The following LHFPL1 variants were observed in gnomAD, a reference collection of about 807,000 sequenced individuals.
LHFPL1 encodes the protein LHFPL tetraspan subfamily member 1 protein.
LHFPL1 carries 4 observed loss-of-function variants against 12.1 expected under a neutral mutation model. The observed-to-expected ratio is 0.33, with a 90% confidence interval of 0.16 to 0.76. LHFPL1 has a LOEUF of 0.76. Among genes scored for constraint, LHFPL1 ranks in the 30% least tolerant of loss-of-function variants. The pLI is 0.61. For missense variants in LHFPL1, 141 were observed against 174.1 expected, an observed-to-expected ratio of 0.81 and a Z score of 1.07; for synonymous variants, 52 against 61.9, an observed-to-expected ratio of 0.84 and a Z score of 0.75.
chrX:112,637,508 T>C (rs1930377547), intron 3 of LHFPL1, among the ~76,000 whole-genome samples: 1 of 111,545 alleles, frequency 9.0e-6, no homozygotes, highest in African/African-American at 3.3e-5. Context: ...CAGAATCTGA[T>C]AGAGTGGCTC....
intron 3 of LHFPL1, among the ~76,000 whole-genome samples, chrX:112,641,233 T>C (rs1188473659): frequency 9.0e-6 from 1 of 111,698 alleles, no homozygotes; most frequent in Non-Finnish European, 1.9e-5. Flanking sequence ...CCAATATGAG[T>C]TTAGTACTTT....
At chrX:112,661,188 G>A (rs949263613) in intron 2 of LHFPL1, among the ~76,000 whole-genome samples, 1 of 111,001 alleles carries the variant, frequency 9.0e-6, no homozygotes, top group Non-Finnish European at 1.9e-5. Flanking sequence ...CTGCTGGACC[G>A]ATGAGCAGGG....
intron 2 of LHFPL1, among the ~76,000 whole-genome samples, chrX:112,665,277 G>A (rs964927811): frequency 1.9e-5 from 2 of 106,201 alleles, no homozygotes; most frequent in African/African-American, 3.5e-5. Flanking sequence ...TGCAACCTCC[G>A]CCTCCCAGGT....
At chrX:112,652,485 C>T (rs1343822339) in intron 3 of LHFPL1, among the ~76,000 whole-genome samples, 3 of 111,659 alleles carry the variant, frequency 2.7e-5, no homozygotes, top group Non-Finnish European at 5.6e-5. Flanking sequence ...ATAAGGAACA[C>T]AGGTAATCAA....
Position 112,631,190 on chromosome X carries a change from C to A in LHFPL1, c.*230G>T, listed in dbSNP as rs1031857141. On this transcript the variant is annotated 3_prime_UTR_variant, in exon 4 of 4. Transcript: ENST00000371968. Reference sequence around the variant, plus strand: ...GGTACTTTGGGTCTTCGGGTTAGCACGACTTGCCAGTTGGGTAAATGTCTG... The same window carrying A: ...GGTACTTTGGGTCTTCGGGTTAGCAAGACTTGCCAGTTGGGTAAATGTCTG... 1.2e-5 allele frequency: 4 copies of A among 323,057 alleles called. No individual in the cohort carries two copies. The allele number at this position is 323,057 out of a possible 1,213,427, so 26.6% of individuals were successfully genotyped here.
chrX:112,661,036 C>G (rs1224934571), intron 2 of LHFPL1, among the ~76,000 whole-genome samples: 1 of 112,003 alleles, frequency 8.9e-6, no homozygotes, highest in Non-Finnish European at 1.9e-5. Context: ...GTTGGCTTTT[C>G]CAACCTCTTT....
Position 112,660,654 on chromosome X carries a change from C to A in LHFPL1, c.454G>T (p.Gly152Trp), listed in dbSNP as rs766897688. ...WNSPEIMQTC[G>W]NVSNQFQLGT... ...AACTGAAATTGATTGGAGACATTCC[C>A]ACATGTTTGCATTATCTCCGGGCTA... is the stretch of plus-strand genomic sequence containing the variant. The change falls in exon 3 of 4, where the codon GGG becomes TGG. Residue 152 changes from glycine to tryptophan, a missense_variant. Transcript: ENST00000371968. The A allele has an allele frequency of 8.3e-7, 1 of 1,210,203 alleles. No homozygotes were observed. Among genetic ancestry groups the A allele is most frequent in the Non-Finnish European group, 1.1e-6 (1 of 894,112 alleles).
chrX:112,670,084 A>G (rs1445281201), intron 2 of LHFPL1, among the ~76,000 whole-genome samples: 1 of 111,648 alleles, frequency 9.0e-6, no homozygotes, highest in African/African-American at 3.3e-5. Flanking sequence ...GGCTCTAGTG[A>G]CCCACACTGT....
chrX:112,651,990 A>G (rs1032867052), intron 3 of LHFPL1, among the ~76,000 whole-genome samples: 3 of 112,984 alleles, frequency 2.7e-5, no homozygotes, highest in African/African-American at 9.6e-5. Context: ...AACTGGCCTT[A>G]GAGTAGTACC....
chrX:112,656,922 G>T (rs1602681541), intron 3 of LHFPL1, among the ~76,000 whole-genome samples: 1 of 112,332 alleles, frequency 8.9e-6, no homozygotes, highest in East Asian at 2.8e-4. Flanking sequence ...GTTGGTGCCT[G>T]ACTGAGAGCT....
At chrX:112,675,216 A>G (rs760244005) in intron 1 of LHFPL1, among the ~76,000 whole-genome samples, 4 of 111,478 alleles carry the variant, frequency 3.6e-5, no homozygotes, top group African/African-American at 1.3e-4. Flanking sequence ...TCACCACTAA[A>G]GAACTTACTC....
intron 1 of LHFPL1, among the ~76,000 whole-genome samples, chrX:112,677,993 T>C (rs1475018068): frequency 9.1e-6 from 1 of 110,206 alleles, no homozygotes; most frequent in African/African-American, 3.3e-5. Flanking sequence ...TATTTGCATC[T>C]CTCCATCCAG....
At chrX:112,673,657 T>A (rs756601920) in intron 1 of LHFPL1, among the ~76,000 whole-genome samples, 2 of 111,610 alleles carry the variant, frequency 1.8e-5, no homozygotes, top group African/African-American at 6.5e-5. Flanking sequence ...AAAGATATTA[T>A]CCTAAATTTA....
At chrX:112,631,960 A>G (rs1393928811) in intron 3 of LHFPL1, among the ~76,000 whole-genome samples, 2 of 111,944 alleles carry the variant, frequency 1.8e-5, no homozygotes, top group Non-Finnish European at 3.8e-5. Flanking sequence ...TGATCATTAC[A>G]GTAATTATAT....
intron 3 of LHFPL1, among the ~76,000 whole-genome samples, chrX:112,650,556 C>CT (rs761508363): frequency 1.8e-5 from 2 of 110,896 alleles, no homozygotes; most frequent in African/African-American, 6.6e-5. Context: ...GTTACACCTT[C>CT]TTTTTTGACA....
At position 112,679,727 on chromosome X, in the gene LHFPL1, A is replaced by C. The variant is rs191743760; in HGVS notation, c.-15+102T>G. 2.7e-5 allele frequency: 3 copies of C among 111,757 alleles called. No homozygotes were observed. The East Asian group carries it at 8.5e-4, about 32-fold the overall frequency. 9.2% of individuals were successfully genotyped at this position (111,757 alleles called of 1,213,427 possible). On this transcript the variant is annotated intron_variant, in intron 1 of 3. Coordinates refer to ENST00000371968, the MANE Select transcript of LHFPL1 (RefSeq NM_178175.4). ...GAGCTTTGAGATGAAAGGACAGGAA[A>C]CCTGAGAAAGGAAGGGGAGAAGGGG...
At chrX:112,667,747 G>C (rs1166294934) in intron 2 of LHFPL1, among the ~76,000 whole-genome samples, 1 of 111,874 alleles carries the variant, frequency 8.9e-6, no homozygotes, top group East Asian at 2.8e-4. Context: ...ATTGATTGGA[G>C]CAGGGCATGG....
chrX:112,650,783 T>C (rs1273427336), intron 3 of LHFPL1, among the ~76,000 whole-genome samples: 2 of 111,763 alleles, frequency 1.8e-5, no homozygotes, highest in South Asian at 7.5e-4. Flanking sequence ...TAAAATTAGA[T>C]ATTTATTTAA....
Position 112,671,219 on chromosome X carries a change from C to T in LHFPL1, c.172G>A (p.Gly58Arg). The change falls in exon 2 of 4, where the codon GGA (glycine) becomes AGA (arginine). Residue 58 changes from glycine to arginine, a missense_variant. Transcript: ENST00000371968. ...TCTTCCACCATGATCAGACTGTGTC[C>T]CTCTCCCCGCACAGGGTAGTTGCAC... ...RRCNYPVRGE[G>R]HSLIMVEECG... 8.3e-7 allele frequency: 1 copy of T among 1,211,820 alleles called. No homozygotes were observed. The highest frequency in any genetic ancestry group is 1.1e-6 in the Non-Finnish European group (1 of 895,473).
Sources: gnomAD v4.1 joint callset for allele counts (sites outside exome capture counted in the v4.1 genomes callset) on GRCh38, gnomAD v4.1.1 for gene constraint, MANE v1.5 for transcripts, NCBI Gene and HGNC (gene_info 2026-07-23, HGNC 2026-07-21) for gene names.